PRKX: variants seen among roughly 807,000 people sequenced by gnomAD.
The protein encoded by PRKX is cAMP-dependent protein kinase catalytic subunit PRKX.
In PRKX, 12 loss-of-function variants were observed where a neutral mutation model predicts 22.0. That is an observed-to-expected ratio of 0.54 (90% CI 0.35 to 0.88). The LOEUF is 0.88. Ranked by LOEUF, PRKX falls within the 40% of genes least tolerant of loss-of-function variation. PRKX has a pLI of 0.01. For synonymous variants in PRKX, 134 were observed against 137.7 expected, an observed-to-expected ratio of 0.97 and a Z score of 0.19; for missense variants, 217 against 308.0, an observed-to-expected ratio of 0.70 and a Z score of 2.21.
chrX:3,636,967 A>C (rs1392092242), intron 4 of PRKX, among the ~76,000 whole-genome samples: 1 of 105,832 alleles, frequency 9.4e-6, no homozygotes, highest in African/African-American at 3.5e-5. Context: ...AGGAAAGGAA[A>C]GGAAAAAGGG....
intron 3 of PRKX, among the ~76,000 whole-genome samples, chrX:3,643,667 G>C (rs772321021): frequency 9.0e-6 from 1 of 110,854 alleles, no homozygotes; most frequent in Non-Finnish European, 1.9e-5. Context: ...AAAATATATA[G>C]ATGCTTTGCA....
At chrX:3,683,116 C>T (rs770642963) in intron 1 of PRKX, among the ~76,000 whole-genome samples, 1 of 112,350 alleles carries the variant, frequency 8.9e-6, no homozygotes, top group South Asian at 3.7e-4. Flanking sequence ...GCCGCATCTG[C>T]ACTTCAGAGT....
chrX:3,666,051 C>T (rs1603474326), intron 2 of PRKX, among the ~76,000 whole-genome samples: 1 of 108,305 alleles, frequency 9.2e-6, no homozygotes, highest in East Asian at 2.9e-4. Context: ...TACTCTGTTG[C>T]CCAGGATAGA....
At chrX:3,701,064 T>G (rs1242431309) in intron 1 of PRKX, among the ~76,000 whole-genome samples, 1 of 110,956 alleles carries the variant, frequency 9.0e-6, no homozygotes, top group Non-Finnish European at 1.9e-5. Context: ...ATAAATTATT[T>G]TTTTCTTCTG....
At chrX:3,615,011 A>T (rs77861019) in intron 7 of PRKX, among the ~76,000 whole-genome samples, 17 of 59,728 alleles carry the variant, frequency 2.8e-4, no homozygotes, top group Admixed American at 4.7e-4. Context: ...AAAATGCCAG[A>T]TTTTTTTTTT....
At chrX:3,644,922 T>C (rs1303569675) in intron 3 of PRKX, among the ~76,000 whole-genome samples, 1 of 111,428 alleles carries the variant, frequency 9.0e-6, no homozygotes, top group African/African-American at 3.3e-5. Flanking sequence ...TTTGGCTCCG[T>C]GTTAGGGTAA....
In PRKX at chrX:3,641,170, T is replaced by C. The variant is rs758055380; in HGVS notation, c.719+682A>G. ...CTTTTACTTTCTTAATAAACTTGCT[T>C]TCACTTTATGGACTTTCCCCAAATT... On this transcript the variant is annotated intron_variant, in intron 4 of 8. Coordinates refer to ENST00000262848, the MANE Select transcript of PRKX (RefSeq NM_005044.5). Among the ~76,000 whole-genome samples the C allele has an allele frequency of 2.7e-5, 3 of 112,275 alleles. No homozygotes were observed. The East Asian group carries it at 8.4e-4, about 32-fold the overall frequency.
At chrX:3,663,601 C>G (rs1292248222) in intron 2 of PRKX, among the ~76,000 whole-genome samples, 3 of 99,098 alleles carry the variant, frequency 3.0e-5, no homozygotes, top group African/African-American at 1.1e-4. Flanking sequence ...TGCACTCCAG[C>G]CTGGATGAGA....
chrX:3,712,367 G>A (rs1449620687), intron 1 of PRKX, among the ~76,000 whole-genome samples: 1 of 111,851 alleles, frequency 8.9e-6, no homozygotes, highest in Non-Finnish European at 1.9e-5. Context: ...ATAAAGCAGC[G>A]CGTGTCCGGA....
rs1450777031 is a variant in PRKX at position 3,653,373 on chromosome X, G to A, written c.599+1776C>T. On this transcript the variant is annotated intron_variant, in intron 3 of 8. Coordinates refer to ENST00000262848, the MANE Select transcript of PRKX (RefSeq NM_005044.5). Reference sequence around the variant, plus strand: ...TCGGACTTCCAGCCTCCAGAGCTGTGAGCCATGAATGTCTGCTGTTGAGGC... The same window carrying A: ...TCGGACTTCCAGCCTCCAGAGCTGTAAGCCATGAATGTCTGCTGTTGAGGC... 3.6e-5 allele frequency among the ~76,000 whole-genome samples: 4 copies of A among 109,738 alleles called. No homozygotes were observed. The Admixed American group carries it at 4.0e-4, about 11-fold the overall frequency.
At chrX:3,647,045 G>A (rs1933734524) in intron 3 of PRKX, among the ~76,000 whole-genome samples, 1 of 111,126 alleles carries the variant, frequency 9.0e-6, no homozygotes, top group African/African-American at 3.3e-5. Context: ...CTCAAAGTAA[G>A]AAGCTAGGGG....
chrX:3,643,348 G>A (rs1483638230), intron 3 of PRKX, among the ~76,000 whole-genome samples: 1 of 111,703 alleles, frequency 9.0e-6, no homozygotes, highest in East Asian at 2.8e-4. Context: ...ACGGCGAGCG[G>A]CTGAACCTGC....
chrX:3,652,075 G>A (rs771801854), intron 3 of PRKX, among the ~76,000 whole-genome samples: 1 of 110,579 alleles, frequency 9.0e-6, no homozygotes, highest in South Asian at 3.9e-4. Flanking sequence ...ACCATACAAC[G>A]GACTTCAAGG....
chrX:3,688,863 C>A (rs192326548), intron 1 of PRKX, among the ~76,000 whole-genome samples: 3 of 103,984 alleles, frequency 2.9e-5, no homozygotes, highest in Middle Eastern at 4.9e-3. Context: ...AGCGGGACCC[C>A]CATCTGTTTA....
At chrX:3,659,057 G>A (rs1280193479) in intron 2 of PRKX, among the ~76,000 whole-genome samples, 1 of 111,253 alleles carries the variant, frequency 9.0e-6, no homozygotes, top group Admixed American at 9.6e-5. Context: ...CTTGAGGCCA[G>A]GTGTTGGAAA....
At chrX:3,709,214 G>T (rs1212317817) in intron 1 of PRKX, among the ~76,000 whole-genome samples, 2 of 106,195 alleles carry the variant, frequency 1.9e-5, no homozygotes, top group Non-Finnish European at 3.8e-5. Flanking sequence ...GCTGAACGAG[G>T]TATGTGTTCT....
chrX:3,666,179 G>C (rs1169391925), intron 2 of PRKX, among the ~76,000 whole-genome samples: 4 of 92,747 alleles, frequency 4.3e-5, no homozygotes, highest in Non-Finnish European at 6.3e-5. Context: ...TTTTGAGACA[G>C]AGTCTCGCTC....
At chrX:3,677,323 TTGTC>T (rs1927981751) in intron 1 of PRKX, among the ~76,000 whole-genome samples, 3 of 52,402 alleles carry the variant, frequency 5.7e-5, no homozygotes, top group Admixed American at 1.5e-4. Context: ...TTATATTGTT[TTGTC>T]TTTTTTTTTT....
intron 3 of PRKX, among the ~76,000 whole-genome samples, chrX:3,648,242 G>T (rs1927230529): frequency 9.0e-6 from 1 of 111,325 alleles, no homozygotes; most frequent in Non-Finnish European, 1.9e-5. Flanking sequence ...CTCTGCTACG[G>T]TAGCTCAAAA....
Sources: allele counts gnomAD v4.1 joint callset (sites outside exome capture counted in the v4.1 genomes callset), GRCh38; gene constraint gnomAD v4.1.1; transcripts MANE v1.5; gene names NCBI Gene and HGNC (gene_info 2026-07-23, HGNC 2026-07-21).